Variants in TTYH2 observed in about 807,000 individuals in gnomAD.
TTYH2 encodes the protein tweety family member 2, also known as protein tweety homolog 2.
A neutral mutation model predicts 68.3 loss-of-function variants in TTYH2; 49 were observed. That is an observed-to-expected ratio of 0.72 (90% CI 0.57 to 0.91). The LOEUF (loss-of-function observed/expected upper bound fraction) is 0.91. Ranked by LOEUF, TTYH2 falls within the 40% of genes least tolerant of loss-of-function variation. TTYH2 has a pLI of 0.00. For synonymous variants in TTYH2, 272 were observed against 300.8 expected, an observed-to-expected ratio of 0.90 and a Z score of 0.99; for missense variants, 631 against 700.4, an observed-to-expected ratio of 0.90 and a Z score of 1.12.
In TTYH2 at chr17:74,214,361, C is replaced by T. The variant is rs1037937397; in HGVS notation, c.129+645C>T. ...TGTTCCAGGGAAGGAAGGTGGCCTC[C>T]GTCAGCCCATCTCACACTGTTGTCC... On this transcript the variant is annotated intron_variant, in intron 1 of 13. Transcript: ENST00000269346. The surrounding 1 kb of genome is among the most constrained non-coding windows in gnomAD (Gnocchi z 4.6). Among the ~76,000 whole-genome samples the T allele has an allele frequency of 6.6e-6, 1 of 152,062 alleles. No individual in the cohort carries two copies. The highest frequency in any genetic ancestry group is 1.5e-5 in the Non-Finnish European group (1 of 68,014).
At chr17:74,235,533 C>T (rs892851936) in intron 3 of TTYH2, among the ~76,000 whole-genome samples, 15 of 152,236 alleles carry the variant, frequency 9.9e-5, no homozygotes, top group African/African-American at 3.4e-4. Context: ...TCCCGCTAAC[C>T]AGTACGAGCC....
chr17:74,237,381 C>G lies in TTYH2; in HGVS notation c.502C>G (p.Leu168Val). 6.2e-7 allele frequency: 1 copy of G among 1,614,186 alleles called. No homozygotes were observed. The highest frequency in any genetic ancestry group is 8.5e-7 in the Non-Finnish European group (1 of 1,180,034). Reference sequence around the variant, plus strand: ...GATCTTTGCTGCCCGGGGCGATTACCTGCAGACCCTGAAGTTCATACAGCA... The same window carrying G: ...GATCTTTGCTGCCCGGGGCGATTACGTGCAGACCCTGAAGTTCATACAGCA... The part of the protein sequence containing the change: ...SEIFAARGDY[L>V]QTLKFIQQMA... Residue 168 changes from leucine (L) to valine (V), a missense_variant, in exon 4 of 14, where the codon CTG (leucine) becomes GTG (valine). Coordinates refer to ENST00000269346, the MANE Select transcript of TTYH2 (RefSeq NM_032646.6).
chr17:74,260,288 G>C lies in TTYH2; in HGVS notation c.*79G>C. On this transcript the variant is annotated 3_prime_UTR_variant, in exon 14 of 14. Transcript: ENST00000269346. ...AAATACAAGCTGCGTTTCTTTAATA[G>C]AAACCAAAGGCATCTGGAGCCCGAG... The C allele has an allele frequency of 6.8e-7, 1 of 1,467,036 alleles. No homozygotes were observed. The highest frequency in any genetic ancestry group is 1.4e-5 in the African/African-American group (1 of 72,046). The allele number at this position is 1,467,036 out of a possible 1,614,324, so 90.9% of individuals were successfully genotyped here. A position where few individuals can be genotyped will look rare whatever the true frequency, so the allele number is the denominator to read the frequency against.
Position 74,214,867 on chromosome 17 carries a change from A to T in TTYH2, c.129+1151A>T, listed in dbSNP as rs770201016. On this transcript the variant is annotated intron_variant, in intron 1 of 13. Transcript: ENST00000269346. The surrounding 1 kb of genome is among the most constrained non-coding windows in gnomAD (Gnocchi z 4.6). ...GGCCTCTTGGAGGGAATCCTGATCC[A>T]GTGTGAGGTGCCCAAGCGCCAGTGA... Among the ~76,000 whole-genome samples the T allele has an allele frequency of 2.0e-5, 3 of 152,194 alleles. No individual in the cohort carries two copies. The highest frequency in any genetic ancestry group is 4.4e-5 in the Non-Finnish European group (3 of 68,030).
In TTYH2 at chr17:74,214,271, A is replaced by C. The variant is rs1473935056; in HGVS notation, c.129+555A>C. 2.6e-5 allele frequency among the ~76,000 whole-genome samples: 4 copies of C among 152,090 alleles called. No individual in the cohort carries two copies. Among genetic ancestry groups the C allele is most frequent in the African/African-American group, 9.7e-5 (4 of 41,408 alleles). On this transcript the variant is annotated intron_variant, in intron 1 of 13. Coordinates refer to ENST00000269346, the MANE Select transcript of TTYH2 (RefSeq NM_032646.6). This position sits in a 1 kb window ranked among gnomAD's most constrained non-coding sequence, Gnocchi z 4.6. ...GTGGGAGTCTCAGCTGGAAGGCTGC[A>C]GGGCTTGGGGAAGCGGTGTGGGTCA...
intron 3 of TTYH2, among the ~76,000 whole-genome samples, 194 bp from the exon 4 acceptor site, chr17:74,237,100 G>A (rs1396809233): frequency 6.6e-6 from 1 of 151,994 alleles, no homozygotes; most frequent in African/African-American, 2.4e-5. Flanking sequence ...GGGTCTCACT[G>A]TGTTGCCCAG....
chr17:74,247,647 T>C (rs1237341168), intron 6 of TTYH2, among the ~76,000 whole-genome samples: 2 of 152,206 alleles, frequency 1.3e-5, no homozygotes, highest in East Asian at 3.9e-4. Context: ...GGCCTCGCTC[T>C]TTATTTCCCC....
At position 74,238,728 on chromosome 17, in the gene TTYH2, G is replaced by A. The variant is rs542165465; in HGVS notation, c.635+1214G>A. Among the ~76,000 whole-genome samples the A allele has an allele frequency of 2.6e-5, 4 of 152,124 alleles. No individual in the cohort carries two copies. In the South Asian group the frequency reaches 8.3e-4, roughly 32 times the overall value. On this transcript the variant is annotated intron_variant, in intron 4 of 13. Transcript: ENST00000269346. ...CTAAAAAATACAAAATTAGCTGGGC[G>A]TGGTGGCGCATGCCTGTAATCCCAG...
At chr17:74,238,113 G>T (rs868523578) in intron 4 of TTYH2, among the ~76,000 whole-genome samples, 11 of 152,074 alleles carry the variant, frequency 7.2e-5, no homozygotes, top group African/African-American at 2.7e-4. Flanking sequence ...TCCCGCACAC[G>T]GTGGGGTGCT....
At chr17:74,251,353 T>C (rs2143776075) in intron 10 of TTYH2, among the ~76,000 whole-genome samples, 1 of 52,056 alleles carries the variant, frequency 1.9e-5, no homozygotes, top group Non-Finnish European at 4.0e-5. Context: ...GTGTGGTGCA[T>C]GTGTGTGTGC....
chr17:74,237,323 G>A lies in TTYH2; in HGVS notation c.444G>A (p.Val148=), dbSNP rs375834582. The A allele has an allele frequency of 1.1e-5, 18 of 1,614,150 alleles. No homozygotes were observed. In the African/African-American group the frequency reaches 2.1e-4, roughly 19 times the overall value. The change falls in exon 4 of 14, where the codon GTG becomes GTA. Residue 148 remains valine (V), a synonymous_variant. Transcript: ENST00000269346. ...LVSGTTQKMK[V]DLEQHLARLS... Reference sequence around the variant, plus strand: ...CCGGAACTACCCAGAAGATGAAGGTGGACCTAGAGCAGCACCTGGCCCGGC... The same window carrying A: ...CCGGAACTACCCAGAAGATGAAGGTAGACCTAGAGCAGCACCTGGCCCGGC...
At chr17:74,251,264 G>A (rs1259394393) in intron 10 of TTYH2, among the ~76,000 whole-genome samples, 1 of 150,512 alleles carries the variant, frequency 6.6e-6, no homozygotes, top group Non-Finnish European at 1.5e-5. Flanking sequence ...GTGCGTGTGT[G>A]TGGTGTGTGC....
intron 4 of TTYH2, among the ~76,000 whole-genome samples, chr17:74,240,260 G>A (rs1047170576): frequency 6.6e-6 from 1 of 152,144 alleles, no homozygotes; most frequent in African/African-American, 2.4e-5. Context: ...GCAACATGGA[G>A]AAACCTCATC....
chr17:74,237,591 G>A, intron 4 of TTYH2, 77 bp downstream of exon 4: 1 of 1,316,414 alleles, frequency 7.6e-7, no homozygotes, highest in Non-Finnish European at 1.0e-6. Flanking sequence ...TGCATGTTGA[G>A]CTCCAGGTGG....
Position 74,252,319 on chromosome 17 carries a change from T to C in TTYH2, c.1202T>C (p.Leu401Pro). 1 of 1,613,934 alleles carries C rather than the reference T, an allele frequency of 6.2e-7. No individual in the cohort carries two copies. The highest frequency in any genetic ancestry group is 8.5e-7 in the Non-Finnish European group (1 of 1,180,016). Residue 401 changes from leucine (L) to proline (P), a missense_variant, in exon 11 of 14, where the codon CTC becomes CCC. Leu to Pro is a moderately conservative substitution (Grantham distance 98). Transcript: ENST00000269346. ...YLGLFSFLAA[L>P]AFSTMICAGP... Reference sequence around the variant, plus strand: ...GGCCTCTTCTCCTTCCTGGCCGCCCTCGCCTTCTCCACCATGATCTGTGCA... The same window carrying C: ...GGCCTCTTCTCCTTCCTGGCCGCCCCCGCCTTCTCCACCATGATCTGTGCA...
At chr17:74,227,719 A>G (rs2050344263) in intron 2 of TTYH2, among the ~76,000 whole-genome samples, 1 of 151,720 alleles carries the variant, frequency 6.6e-6, no homozygotes, top group East Asian at 1.9e-4. Context: ...TAAGAGAGAG[A>G]CAGAGATACG....
At position 74,252,388 on chromosome 17, in the gene TTYH2, A is replaced by G; in HGVS notation, c.1259+12A>G. ...CACTTCACCACCAGGTGGGCTGCCTAGTAAGGAGGGGAGCCTCCCACAGCC... is the reference window on the plus strand; with the variant it reads ...CACTTCACCACCAGGTGGGCTGCCTGGTAAGGAGGGGAGCCTCCCACAGCC... On this transcript the variant is annotated intron_variant, in intron 11 of 13. Transcript: ENST00000269346. The G allele has an allele frequency of 1.2e-6, 2 of 1,611,966 alleles. 1 individual carries two copies. The highest frequency in any genetic ancestry group is 2.2e-5 in the South Asian group (2 of 91,016).
Position 74,232,547 on chromosome 17 carries a change from T to G in TTYH2, c.414+1548T>G, listed in dbSNP as rs1189119534. ...AGCTCAGGCCTGGGAGGCAGAGGTG[T>G]GGCCTGCCTGGGGAGAACTCTCCCT... On this transcript the variant is annotated intron_variant, in intron 3 of 13. Transcript: ENST00000269346. This position sits in a 1 kb window ranked among gnomAD's most constrained non-coding sequence, Gnocchi z 5.1. 6.6e-6 allele frequency among the ~76,000 whole-genome samples: 1 copy of G among 152,130 alleles called. No individual in the cohort carries two copies. The highest frequency in any genetic ancestry group is 2.4e-5 in the African/African-American group (1 of 41,424).
At chr17:74,218,907 T>C (rs1309044461) in intron 1 of TTYH2, among the ~76,000 whole-genome samples, 1 of 152,168 alleles carries the variant, frequency 6.6e-6, no homozygotes, top group Non-Finnish European at 1.5e-5. Context: ...CACAGGTTTG[T>C]CTGGGGCTCC....
Sources: allele counts gnomAD v4.1 joint callset (sites outside exome capture counted in the v4.1 genomes callset), GRCh38; gene constraint gnomAD v4.1.1; non-coding constraint Gnocchi (gnomAD v3.1); transcripts MANE v1.5; gene names NCBI Gene and HGNC (gene_info 2026-07-23, HGNC 2026-07-21).